MPZL1: variants seen among roughly 807,000 people sequenced by gnomAD.
MPZL1 encodes myelin protein zero like 1.
Under a neutral mutation model 29.3 loss-of-function variants are expected in MPZL1, and 16 were observed. The ratio of observed to expected loss-of-function variants is 0.55; its 90% CI spans 0.37 to 0.83. The LOEUF is 0.83. MPZL1 is among the 40% of genes least tolerant of loss of function. The probability of loss-of-function intolerance (pLI) is 0.00; values close to 1 mark genes in which losing one functional copy is unlikely to be tolerated. For missense variants in MPZL1, 279 were observed against 332.9 expected (o/e 0.84, Z 1.26); for synonymous variants, 143 against 132.0 (o/e 1.08, Z -0.57).
chr1:167,768,589 G>A (rs1484227123), intron 2 of MPZL1, among the ~76,000 whole-genome samples: 1 of 152,134 alleles, frequency 6.6e-6, no homozygotes, highest in Non-Finnish European at 1.5e-5. Flanking sequence ...GATTGATAAT[G>A]ATTCTAGTCT....
At chr1:167,750,277 T>A (rs1339411285) in intron 1 of MPZL1, among the ~76,000 whole-genome samples, 1 of 152,160 alleles carries the variant, frequency 6.6e-6, no homozygotes, top group Non-Finnish European at 1.5e-5. Flanking sequence ...CTCAGCTCAT[T>A]GCAACCTCCG....
intron 1 of MPZL1, among the ~76,000 whole-genome samples, chr1:167,740,450 C>T (rs1660492742): frequency 1.3e-5 from 2 of 152,260 alleles, no homozygotes; most frequent in South Asian, 2.1e-4. Context: ...CCTTATATGA[C>T]TTCTCAGTCC....
chr1:167,722,075 C>T lies in MPZL1; in HGVS notation c.-77C>T. ...TGGCGGAGAGATCAGAAGCCTCTTC[C>T]CCAAGCCGAGCCAACCTCAGCGGGG... is the stretch of plus-strand genomic sequence containing the variant. On this transcript the variant is annotated 5_prime_UTR_variant, in exon 1 of 6. Transcript: ENST00000359523. 2.4e-6 allele frequency: 3 copies of T among 1,230,878 alleles called. No homozygotes were observed. The highest frequency in any genetic ancestry group is 4.1e-5 in the South Asian group (1 of 24,316). 76.2% of individuals were successfully genotyped at this position (1,230,878 alleles called of 1,614,324 possible). A position where few individuals can be genotyped will look rare whatever the true frequency, so the allele number is the denominator to read the frequency against.
At chr1:167,732,409 C>A (rs530895253) in intron 1 of MPZL1, among the ~76,000 whole-genome samples, 38 of 151,726 alleles carry the variant, frequency 2.5e-4, no homozygotes, top group Middle Eastern at 3.4e-3. Context: ...CAAAAACAAA[C>A]AAAAAAAATA....
chr1:167,773,788 AG>A (rs1328101020), intron 4 of MPZL1: 1 of 153,248 alleles, frequency 6.5e-6, no homozygotes, highest in African/African-American at 2.4e-5. Context: ...AGCTGGAATT[AG>A]TGGCATGTGC....
At chr1:167,776,600 G>A (rs2051655) in intron 5 of MPZL1, among the ~76,000 whole-genome samples, 114,080 of 152,148 alleles carry the variant, frequency 0.75, 43,297 homozygotes, top group African/African-American at 0.86. Flanking sequence ...ATTATTTTCT[G>A]TGGATTCTTT....
intron 1 of MPZL1, among the ~76,000 whole-genome samples, chr1:167,739,410 G>A (rs913095081): frequency 6.6e-6 from 1 of 151,062 alleles, no homozygotes; most frequent in Non-Finnish European, 1.5e-5. Flanking sequence ...ATGAATTCAG[G>A]TGTTTGTTGA....
chr1:167,763,611 A>G (rs773560726), intron 1 of MPZL1, among the ~76,000 whole-genome samples: 4 of 152,308 alleles, frequency 2.6e-5, no homozygotes, highest in South Asian at 2.1e-4. Flanking sequence ...ACTAGTCAAA[A>G]TCACACAGAG....
chr1:167,736,510 C>T (rs930363439), intron 1 of MPZL1, among the ~76,000 whole-genome samples: 1 of 152,138 alleles, frequency 6.6e-6, no homozygotes, highest in African/African-American at 2.4e-5. Flanking sequence ...GTGCTTCCTC[C>T]GGCATGCCAC....
chr1:167,759,897 AG>A lies in MPZL1; in HGVS notation c.92-5684del, dbSNP rs544563420. Reference sequence around the variant, plus strand: ...GTCAGGGTAGGCAATGAGGTCCGAGAGGTAGCCAGGAGTTAGCTCATGTAGG... The same window carrying A: ...GTCAGGGTAGGCAATGAGGTCCGAGAGTAGCCAGGAGTTAGCTCATGTAGG... On this transcript the variant is annotated intron_variant, in intron 1 of 5. Coordinates refer to ENST00000359523, the MANE Select transcript of MPZL1 (RefSeq NM_003953.6). 1.5e-4 allele frequency among the ~76,000 whole-genome samples: 23 copies of A among 152,316 alleles called. No individual in the cohort carries two copies. The South Asian group carries it at 4.3e-3, about 29-fold the overall frequency.
At chr1:167,778,582 A>T (rs1318685745) in intron 5 of MPZL1, among the ~76,000 whole-genome samples, 1 of 151,816 alleles carries the variant, frequency 6.6e-6, no homozygotes, top group Admixed American at 6.6e-5. Context: ...TTAAAAAAAT[A>T]ATAATTTAAT....
chr1:167,729,701 C>T (rs111410650), intron 1 of MPZL1, among the ~76,000 whole-genome samples: 5 of 152,098 alleles, frequency 3.3e-5, no homozygotes, highest in African/African-American at 1.2e-4. Context: ...TCTCCCTCTC[C>T]CTTTTCTGTT....
At chr1:167,726,711 A>G (rs767038444) in intron 1 of MPZL1, among the ~76,000 whole-genome samples, 11 of 152,190 alleles carry the variant, frequency 7.2e-5, no homozygotes, top group Non-Finnish European at 8.8e-5. Context: ...AAATATGTAT[A>G]TTTTTTACTC....
At chr1:167,783,550 A>G (rs771288633) in intron 5 of MPZL1, among the ~76,000 whole-genome samples, 1 of 152,214 alleles carries the variant, frequency 6.6e-6, no homozygotes, top group Non-Finnish European at 1.5e-5. Flanking sequence ...TAGACAGGGT[A>G]ATGTTTCAAG....
At position 167,791,456 on chromosome 1, in the gene MPZL1, C is replaced by G. The variant is rs1207018261; in HGVS notation, c.*3535C>G. The G allele has an allele frequency of 6.6e-6, 1 of 152,238 alleles. No homozygotes were observed. Among genetic ancestry groups the G allele is most frequent in the Non-Finnish European group, 1.5e-5 (1 of 68,052 alleles). 9.4% of individuals were successfully genotyped at this position (152,238 alleles called of 1,614,324 possible). A position where few individuals can be genotyped will look rare whatever the true frequency, so the allele number is the denominator to read the frequency against. On this transcript the variant is annotated 3_prime_UTR_variant, in exon 6 of 6. Coordinates refer to ENST00000359523, the MANE Select transcript of MPZL1 (RefSeq NM_003953.6). ...CATGAATGGAAGTAACTAGTAGTTACCAAATACTTGGTGTGAGCCAGGCAC... is the reference window on the plus strand; with the variant it reads ...CATGAATGGAAGTAACTAGTAGTTAGCAAATACTTGGTGTGAGCCAGGCAC...
intron 1 of MPZL1, among the ~76,000 whole-genome samples, chr1:167,760,709 G>C (rs994799239): frequency 5.9e-5 from 9 of 151,624 alleles, no homozygotes; most frequent in African/African-American, 1.9e-4. Flanking sequence ...TATTAAATTT[G>C]AGATGATGCC....
chr1:167,738,058 T>C (rs1660414912), intron 1 of MPZL1, among the ~76,000 whole-genome samples: 1 of 152,148 alleles, frequency 6.6e-6, no homozygotes, highest in Admixed American at 6.5e-5. Context: ...CTTGAGTTGC[T>C]GGGACTACAG....
intron 1 of MPZL1, among the ~76,000 whole-genome samples, chr1:167,759,877 G>C (rs551758670): frequency 6.6e-6 from 1 of 152,174 alleles, no homozygotes; most frequent in African/African-American, 2.4e-5. Context: ...AGGGGGTCAG[G>C]GTAGGCAATG....
At chr1:167,728,467 C>CA (rs112069974) in intron 1 of MPZL1, among the ~76,000 whole-genome samples, 9,773 of 151,064 alleles carry the variant, frequency 0.065, 370 homozygotes, top group Middle Eastern at 0.12. Flanking sequence ...CTCGGCCTCC[C>CA]AAAATGCTAG....
Sources: gnomAD v4.1 joint callset for allele counts (sites outside exome capture counted in the v4.1 genomes callset) on GRCh38, gnomAD v4.1.1 for gene constraint, MANE v1.5 for transcripts, NCBI Gene and HGNC (gene_info 2026-07-23, HGNC 2026-07-21) for gene names.